Variants in TEX9 observed in about 807,000 individuals in gnomAD.
TEX9 encodes the protein testis-expressed protein 9.
Under a neutral mutation model 59.6 loss-of-function variants are expected in TEX9, and 74 were observed. The observed-to-expected ratio is 1.24, with a 90% confidence interval of 1.03 to 1.51. The LOEUF (loss-of-function observed/expected upper bound fraction) is 1.51, where lower values mean the gene tolerates loss of function less well. Among genes scored for constraint, TEX9 ranks in the 40% most tolerant of loss-of-function variants. The pLI, the probability that TEX9 is intolerant of heterozygous loss-of-function variation, is 0.00. For missense variants in TEX9, 522 were observed against 447.8 expected (o/e 1.17, Z -1.49); for synonymous variants, 186 against 152.2 (o/e 1.22, Z -1.64).
chr15:56,389,821 G>A (rs1338261072), intron 6 of TEX9, among the ~76,000 whole-genome samples: 2 of 151,644 alleles, frequency 1.3e-5, no homozygotes, highest in African/African-American at 4.8e-5. Context: ...CTCTAAATAG[G>A]ACTATAATAT....
At chr15:56,256,274 C>G (rs2044143156) in intron 1 of TEX9, among the ~76,000 whole-genome samples, 1 of 151,944 alleles carries the variant, frequency 6.6e-6, no homozygotes. Flanking sequence ...TACTAAATAA[C>G]CCGGCCAAGG....
intron 1 of TEX9, among the ~76,000 whole-genome samples, chr15:56,281,463 C>T (rs769762654): frequency 6.6e-6 from 1 of 152,204 alleles, no homozygotes; most frequent in Non-Finnish European, 1.5e-5. Context: ...ACCGCCCATG[C>T]GAGGGATCTA....
intron 1 of TEX9, among the ~76,000 whole-genome samples, chr15:56,272,337 T>C (rs555273536): frequency 6.6e-6 from 1 of 152,338 alleles, no homozygotes; most frequent in South Asian, 2.1e-4. Flanking sequence ...TGGATTTTCA[T>C]ATTATGGATA....
exon 12 of TEX9, chr15:56,428,452 A>T (rs1447634496): frequency 4.4e-6 from 7 of 1,599,734 alleles, no homozygotes; most frequent in Middle Eastern, 1.7e-4. Flanking sequence ...TAAGTGATCT[A>T]CTTCAGTTAG....
rs747818934 is a variant in TEX9 at position 56,443,570 on chromosome 15, T to G, written c.*30-2101T>G. On this transcript the variant is annotated intron_variant, in intron 12 of 12. Transcript: ENST00000352903. ...ATTTTTTAAAAAACATAAATATTTATAGGATCCAAATTCTGTAACTAATAT... is the reference window on the plus strand; with the variant it reads ...ATTTTTTAAAAAACATAAATATTTAGAGGATCCAAATTCTGTAACTAATAT... The G allele has an allele frequency of 1.8e-5, 28 of 1,579,738 alleles. No individual in the cohort carries two copies. The South Asian group carries it at 3.3e-4, about 19-fold the overall frequency.
intron 4 of TEX9, among the ~76,000 whole-genome samples, chr15:56,385,037 G>T (rs971283686): frequency 1.3e-5 from 2 of 152,136 alleles, no homozygotes; most frequent in Admixed American, 6.5e-5. Context: ...TTTGTATGTG[G>T]TATAAGAGTC....
At chr15:56,411,556 G>C (rs2140136712) in intron 9 of TEX9, among the ~76,000 whole-genome samples, 1 of 151,778 alleles carries the variant, frequency 6.6e-6, no homozygotes, top group South Asian at 2.1e-4. Context: ...GCAGGAGGAA[G>C]AGCACAGGCG....
chr15:56,423,222 T>G (rs2050067133), intron 10 of TEX9, among the ~76,000 whole-genome samples: 1 of 152,200 alleles, frequency 6.6e-6, no homozygotes, highest in Non-Finnish European at 1.5e-5. Flanking sequence ...CAACTACAAA[T>G]TTCCCTCTTA....
chr15:56,292,754 A>G (rs2045125076), intron 1 of TEX9, among the ~76,000 whole-genome samples: 1 of 152,142 alleles, frequency 6.6e-6, no homozygotes, highest in African/African-American at 2.4e-5. Context: ...CATTCCTGAC[A>G]TACATGCAGT....
At chr15:56,281,381 C>G (rs970080686) in intron 1 of TEX9, among the ~76,000 whole-genome samples, 10 of 152,248 alleles carry the variant, frequency 6.6e-5, no homozygotes, top group South Asian at 2.1e-4. Context: ...GCTAGCATTA[C>G]TGCCAGAGCT....
chr15:56,331,622 C>T (rs1197613887), intron 1 of TEX9, among the ~76,000 whole-genome samples: 1 of 151,972 alleles, frequency 6.6e-6, no homozygotes, highest in African/African-American at 2.4e-5. Context: ...TGGAAACACA[C>T]CATGCCAAAA....
At position 56,337,885 on chromosome 15, in the gene TEX9, GT is replaced by G. The variant is rs1458622762; in HGVS notation, c.-106-35550del. On this transcript the variant is annotated intron_variant, in intron 1 of 5. Coordinates refer to the TEX9 transcript ENST00000560827. ...TGTGTTTCCCAAGTGGCTGGTCCTAGTTTTTTGCTTAAATAAACTCTTTAAA... is the reference window on the plus strand; with the variant it reads ...TGTGTTTCCCAAGTGGCTGGTCCTAGTTTTTGCTTAAATAAACTCTTTAAA... Among the ~76,000 whole-genome samples, 50 of 152,222 alleles carry G rather than the reference GT, an allele frequency of 3.3e-4. 1 individual carries two copies. The highest frequency in any genetic ancestry group is 2.1e-3 in the Admixed American group (32 of 15,286).
chr15:56,250,301 A>C (rs1307396407), intron 1 of TEX9, among the ~76,000 whole-genome samples: 1 of 152,224 alleles, frequency 6.6e-6, no homozygotes, highest in African/African-American at 2.4e-5. Flanking sequence ...TTAGAGAAAG[A>C]GCAAAAGGAG....
chr15:56,267,955 T>A (rs1290156843), intron 1 of TEX9, among the ~76,000 whole-genome samples: 1 of 152,198 alleles, frequency 6.6e-6, no homozygotes, highest in African/African-American at 2.4e-5. Flanking sequence ...TCTTCCTGTC[T>A]GTGAGCATGA....
intron 1 of TEX9, among the ~76,000 whole-genome samples, chr15:56,308,427 A>G (rs1039045167): frequency 2.0e-5 from 3 of 152,042 alleles, no homozygotes; most frequent in African/African-American, 7.2e-5. Flanking sequence ...TGTTTTGTTG[A>G]GTTGTAAGAG....
chr15:56,376,699 G>A (rs2047470182), intron 3 of TEX9, among the ~76,000 whole-genome samples: 1 of 151,932 alleles, frequency 6.6e-6, no homozygotes, highest in South Asian at 2.1e-4. Context: ...CTCCCATTCT[G>A]TGGGTTGTCT....
In TEX9 at chr15:56,377,230, C is replaced by T. The variant is rs114075007; in HGVS notation, c.183+3726C>T. On this transcript the variant is annotated intron_variant, in intron 3 of 12. Coordinates refer to ENST00000352903, the Ensembl canonical transcript of TEX9. ...TTCTTTTTGCTTAGGGTAGCTTTGG[C>T]TATTCTGAGTCTGTTGTGGTTCCAT... Among the ~76,000 whole-genome samples, 227 of 152,184 alleles carry T rather than the reference C, an allele frequency of 1.5e-3. 1 individual carries two copies. Among genetic ancestry groups the T allele is most frequent in the African/African-American group, 5.3e-3 (218 of 41,512 alleles).
At chr15:56,270,164 G>A (rs1229463430) in intron 1 of TEX9, among the ~76,000 whole-genome samples, 1 of 152,172 alleles carries the variant, frequency 6.6e-6, no homozygotes, top group African/African-American at 2.4e-5. Flanking sequence ...TATTAGGTCT[G>A]CTTGGTGCAG....
intron 12 of TEX9, among the ~76,000 whole-genome samples, chr15:56,432,765 G>A (rs574476070): frequency 4.1e-4 from 63 of 152,226 alleles, no homozygotes; most frequent in Admixed American, 2.0e-3. Context: ...GAGAACAGAT[G>A]AGCTCCAATC....
Sources: gnomAD v4.1 joint callset for allele counts (sites outside exome capture counted in the v4.1 genomes callset) on GRCh38, gnomAD v4.1.1 for gene constraint, MANE v1.5 for transcripts, NCBI Gene and HGNC (gene_info 2026-07-23, HGNC 2026-07-21) for gene names.